The following FHIT variants were observed in gnomAD, a reference collection of about 807,000 sequenced individuals.
FHIT encodes the protein bis(5'-adenosyl)-triphosphatase.
FHIT carries 19 observed loss-of-function variants against 17.9 expected under a neutral mutation model. That is an observed-to-expected ratio of 1.06 (90% CI 0.74 to 1.56). FHIT has a LOEUF of 1.56. FHIT is among the 40% of genes most tolerant of loss of function. The probability of loss-of-function intolerance (pLI) is 0.00; values close to 1 mark genes in which losing one functional copy is unlikely to be tolerated. For synonymous variants in FHIT, 81 were observed against 69.7 expected (o/e 1.16, Z -0.81); for missense variants, 248 against 189.2 (o/e 1.31, Z -1.82).
intron 4 of FHIT, among the ~76,000 whole-genome samples, chr3:60,698,294 T>C (rs1462260079): frequency 6.8e-6 from 1 of 147,032 alleles, no homozygotes; most frequent in Non-Finnish European, 1.5e-5. Context: ...TCTACACCAC[T>C]CCATAAGAAT....
intron 3 of FHIT, among the ~76,000 whole-genome samples, chr3:60,976,896 T>G (rs1710279914): frequency 6.6e-6 from 1 of 151,152 alleles, no homozygotes; most frequent in African/African-American, 2.4e-5. Flanking sequence ...TTTTTTTTTA[T>G]TTTTAAAAAG....
chr3:60,223,967 G>A (rs1451848868), intron 5 of FHIT, among the ~76,000 whole-genome samples: 1 of 152,014 alleles, frequency 6.6e-6, no homozygotes, highest in Admixed American at 6.6e-5. Flanking sequence ...TTGATCCTCA[G>A]GTTAAAGCAA....
At chr3:61,216,429 C>A (rs1001645638) in intron 1 of FHIT, among the ~76,000 whole-genome samples, 1 of 152,172 alleles carries the variant, frequency 6.6e-6, no homozygotes, top group African/African-American at 2.4e-5. Context: ...AAATGCAAAT[C>A]AAAACCACAA....
rs373192137 is a variant in FHIT, at chr3:60,107,747, A to C, written c.104-93595T>G. Among the ~76,000 whole-genome samples the C allele has an allele frequency of 2.0e-5, 3 of 152,322 alleles. No homozygotes were observed. The South Asian group carries it at 6.2e-4, about 32-fold the overall frequency. On this transcript the variant is annotated intron_variant, in intron 5 of 9. Coordinates refer to ENST00000492590, the MANE Select transcript of FHIT (RefSeq NM_002012.4). ...CCAAGCAAGGTTTAGGTCACTTATGAGGTCTGATATCATCTGTTTCTTTCA... is the reference window on the plus strand; with the variant it reads ...CCAAGCAAGGTTTAGGTCACTTATGCGGTCTGATATCATCTGTTTCTTTCA...
chr3:60,277,998 T>C (rs1421734028), intron 5 of FHIT, among the ~76,000 whole-genome samples: 1 of 152,266 alleles, frequency 6.6e-6, no homozygotes, highest in East Asian at 1.9e-4. Context: ...CAAACTAGTA[T>C]CCCCAAATTT....
chr3:60,604,850 A>G (rs1297875263), intron 4 of FHIT, among the ~76,000 whole-genome samples: 12 of 152,140 alleles, frequency 7.9e-5, no homozygotes, highest in African/African-American at 2.7e-4. Flanking sequence ...AAACAACCCT[A>G]TAGATTCCAT....
intron 4 of FHIT, among the ~76,000 whole-genome samples, chr3:60,642,896 G>C (rs1363363639): frequency 6.6e-6 from 1 of 152,132 alleles, no homozygotes; most frequent in Non-Finnish European, 1.5e-5. Flanking sequence ...TCACTTTCCA[G>C]AGGAAACTTT....
At chr3:60,572,808 T>C (rs1553656173) in intron 4 of FHIT, among the ~76,000 whole-genome samples, 1 of 152,106 alleles carries the variant, frequency 6.6e-6, no homozygotes, top group Admixed American at 6.6e-5. Context: ...GCTGGGGAGA[T>C]GGAAAAAGGA....
chr3:60,803,323 T>C (rs1392151209), intron 4 of FHIT, among the ~76,000 whole-genome samples: 1 of 152,206 alleles, frequency 6.6e-6, no homozygotes, highest in Admixed American at 6.5e-5. Flanking sequence ...ACAGTCACTG[T>C]GCATTAGTGC....
intron 5 of FHIT, among the ~76,000 whole-genome samples, chr3:60,167,514 C>G (rs1701227558): frequency 6.6e-6 from 1 of 152,052 alleles, no homozygotes. Context: ...CTAGTATAAA[C>G]CAACTGAATT....
intron 5 of FHIT, among the ~76,000 whole-genome samples, chr3:60,346,425 T>C (rs1310609653): frequency 6.6e-6 from 1 of 152,180 alleles, no homozygotes; most frequent in East Asian, 1.9e-4. Context: ...CAAAGCAGAC[T>C]GGAGCCAGAT....
intron 5 of FHIT, among the ~76,000 whole-genome samples, chr3:60,101,127 C>T (rs1285325613): frequency 1.3e-5 from 2 of 152,222 alleles, no homozygotes; most frequent in African/African-American, 4.8e-5. Context: ...GCCCCCGCTC[C>T]CTATTCTAAT....
In FHIT at chr3:60,663,153, G is replaced by GTGATATATATATATAT. The variant is rs57146494; in HGVS notation, c.-17-126175_-17-126174insATATATATATATATCA. Among the ~76,000 whole-genome samples, 122 of 78,014 alleles carry GTGATATATATATATAT rather than the reference G, an allele frequency of 1.6e-3. 15 individuals carry two copies. Among genetic ancestry groups the GTGATATATATATATAT allele is most frequent in the East Asian group, 6.2e-3 (14 of 2,270 alleles). The allele number at this position is 78,014 out of a possible 152,430, so 51.2% of individuals were successfully genotyped here. ...CTATATAGCCCTAATATTGGGTGGA[G>GTGATATATATATATAT]ATATATATCTCTTTAATGTTGGGTT... On this transcript the variant is annotated intron_variant, in intron 4 of 9. Coordinates refer to ENST00000492590, the MANE Select transcript of FHIT (RefSeq NM_002012.4).
chr3:61,085,121 G>C (rs2035265282), intron 2 of FHIT, among the ~76,000 whole-genome samples: 1 of 152,068 alleles, frequency 6.6e-6, no homozygotes, highest in Non-Finnish European at 1.5e-5. Context: ...TATAAATGTA[G>C]ACATACATTT....
intron 5 of FHIT, among the ~76,000 whole-genome samples, chr3:60,066,007 C>G (rs770363334): frequency 1.2e-4 from 19 of 152,064 alleles, no homozygotes; most frequent in Non-Finnish European, 2.5e-4. Context: ...CTTCTTGTTA[C>G]CAAAGAAAAT....
intron 2 of FHIT, among the ~76,000 whole-genome samples, chr3:61,163,239 T>A (rs1266113323): frequency 6.6e-6 from 1 of 152,144 alleles, no homozygotes; most frequent in African/African-American, 2.4e-5. Context: ...TAACTACCCC[T>A]CCTCTCTGCC....
At chr3:61,099,709 T>C (rs1243086758) in intron 2 of FHIT, among the ~76,000 whole-genome samples, 4 of 152,182 alleles carry the variant, frequency 2.6e-5, no homozygotes, top group Non-Finnish European at 5.9e-5. Context: ...CATAGAGGTG[T>C]TTATAATATA....
chr3:60,107,565 C>T lies in FHIT; in HGVS notation c.104-93413G>A, dbSNP rs557184906. Among the ~76,000 whole-genome samples the T allele has an allele frequency of 2.6e-5, 4 of 152,236 alleles. No individual in the cohort carries two copies. The East Asian group carries it at 7.7e-4, about 29-fold the overall frequency. On this transcript the variant is annotated intron_variant, in intron 5 of 9. Transcript: ENST00000492590. ...CAAGTCAGTATGTGACTGGTTATAG[C>T]TCTATAATTGCCTTATTTGCTCTAT...
intron 5 of FHIT, among the ~76,000 whole-genome samples, chr3:60,365,856 T>C (rs1256441280): frequency 6.6e-6 from 1 of 152,158 alleles, no homozygotes; most frequent in Non-Finnish European, 1.5e-5. Flanking sequence ...CTTCCTCTCA[T>C]GAAAATACGT....
Sources: gnomAD v4.1 joint callset for allele counts (sites outside exome capture counted in the v4.1 genomes callset) on GRCh38, gnomAD v4.1.1 for gene constraint, MANE v1.5 for transcripts, NCBI Gene and HGNC (gene_info 2026-07-23, HGNC 2026-07-21) for gene names.